The following CLASP2 variants were observed in gnomAD, a reference collection of about 807,000 sequenced individuals.
CLASP2 encodes cytoplasmic linker associated protein 2.
In CLASP2, 47 loss-of-function variants were observed where a neutral mutation model predicts 194.4. That is an observed-to-expected ratio of 0.24 (90% CI 0.19 to 0.31). The LOEUF is 0.31. CLASP2 is among the 10% of genes least tolerant of loss of function. CLASP2 has a pLI of 1.00. For missense variants in CLASP2, 1,445 were observed against 1,823.6 expected, an observed-to-expected ratio of 0.79 and a Z score of 3.78; for synonymous variants, 619 against 633.5, an observed-to-expected ratio of 0.98 and a Z score of 0.34.
chr3:33,619,099 T>C (rs942132699), intron 12 of CLASP2, among the ~76,000 whole-genome samples: 3 of 152,192 alleles, frequency 2.0e-5, no homozygotes, highest in African/African-American at 7.2e-5. Context: ...CTGAACACTC[T>C]AGGATAGAGT....
At chr3:33,500,977 C>T (rs528796448) in intron 38 of CLASP2, among the ~76,000 whole-genome samples, 199 of 152,126 alleles carry the variant, frequency 1.3e-3, no homozygotes, top group South Asian at 4.2e-3. Context: ...AATTCCTGGT[C>T]TCAAGTGATC....
intron 1 of CLASP2, among the ~76,000 whole-genome samples, chr3:33,703,383 T>C (rs2092493988): frequency 6.6e-6 from 1 of 152,194 alleles, no homozygotes; most frequent in African/African-American, 2.4e-5. Context: ...TCATTAGGAA[T>C]TGCAAATAAA....
At chr3:33,686,910 A>T in intron 5 of CLASP2, 150 bp downstream of exon 5, 1 of 556,918 alleles carries the variant, frequency 1.8e-6, no homozygotes, top group Non-Finnish European at 3.2e-6. Flanking sequence ...TTAAAAACTA[A>T]CTTTGATGGA....
At chr3:33,606,460 T>C in intron 16 of CLASP2, 131 bp downstream of exon 16, 1 of 611,586 alleles carries the variant, frequency 1.6e-6, no homozygotes, top group East Asian at 2.9e-5. Context: ...CCAAAATAAA[T>C]AAGTGTATTA....
chr3:33,604,315 TTTTTC>T (rs2073165829), intron 16 of CLASP2, 106 bp from the exon 17 acceptor site: 2 of 771,330 alleles, frequency 2.6e-6, no homozygotes, highest in South Asian at 3.4e-5. Context: ...AAGTATTTCT[TTTTTC>T]TTTTTTTTTT....
At chr3:33,511,259 T>C (rs1326574185) in intron 36 of CLASP2, among the ~76,000 whole-genome samples, 4 of 152,060 alleles carry the variant, frequency 2.6e-5, no homozygotes, top group African/African-American at 9.7e-5. Flanking sequence ...ACGGTGATGT[T>C]AAACTCCAGA....
chr3:33,592,512 T>C lies in CLASP2; in HGVS notation c.1967-16A>G. ...CTCACCCGGCCTGAGAAATAAAATA[T>C]TTACATAATTAAAAACATTTTTCTA... On this transcript the variant is annotated splice_polypyrimidine_tract_variant and intron_variant, in intron 20 of 38. Coordinates refer to ENST00000682230, the MANE Select transcript of CLASP2 (RefSeq NM_001365631.1). 6.4e-7 allele frequency: 1 copy of C among 1,573,576 alleles called. No individual in the cohort carries two copies.
At chr3:33,509,408 TCTCTCCATGTTGGTCAAC>T (rs1389484968) in intron 37 of CLASP2, among the ~76,000 whole-genome samples, 1 of 151,984 alleles carries the variant, frequency 6.6e-6, no homozygotes, top group South Asian at 2.1e-4. Context: ...AGAGACAGAG[TCTCTCCATGTTGGTCAAC>T]CTGGTCTTGA....
chr3:33,678,496 T>C (rs904272044), intron 6 of CLASP2, among the ~76,000 whole-genome samples: 4 of 152,188 alleles, frequency 2.6e-5, no homozygotes, highest in African/African-American at 9.6e-5. Context: ...AACACACTAA[T>C]CTACAATTCT....
intron 13 of CLASP2, 127 bp from the exon 14 acceptor site, chr3:33,608,753 T>TC (rs2074455050): frequency 1.7e-6 from 1 of 591,242 alleles, no homozygotes; most frequent in African/African-American, 2.1e-5. Context: ...TCTTTTTTTT[T>TC]TTTTTTTTTT....
chr3:33,503,508 AC>A (rs1337417598), intron 37 of CLASP2: 4 of 150,702 alleles, frequency 2.7e-5, no homozygotes, highest in African/African-American at 9.8e-5. Flanking sequence ...GCTCACTGCA[AC>A]CTCCACCTCC....
chr3:33,555,433 T>G (rs112987842), intron 29 of CLASP2, among the ~76,000 whole-genome samples: 2,379 of 151,748 alleles, frequency 0.016, 19 homozygotes, highest in South Asian at 0.032. Flanking sequence ...TGGTGTCATC[T>G]CGGCTCACTG....
At chr3:33,673,762 C>T (rs564354726) in intron 6 of CLASP2, among the ~76,000 whole-genome samples, 4 of 151,950 alleles carry the variant, frequency 2.6e-5, no homozygotes, top group South Asian at 2.1e-4. Context: ...ACCAAGCAAA[C>T]GGAAAACAAA....
chr3:33,694,639 G>C (rs1426565587), intron 2 of CLASP2, among the ~76,000 whole-genome samples: 1 of 152,058 alleles, frequency 6.6e-6, no homozygotes, highest in African/African-American at 2.4e-5. Context: ...TTTACGAATT[G>C]GAAAGATCAT....
chr3:33,688,200 C>T, intron 4 of CLASP2, 77 bp downstream of exon 4: 1 of 1,070,824 alleles, frequency 9.3e-7, no homozygotes, highest in Non-Finnish European at 1.3e-6. Context: ...CCATAGCTTT[C>T]CTTGACTTTG....
chr3:33,623,960 A>G (rs1020415688), intron 10 of CLASP2, among the ~76,000 whole-genome samples: 2 of 152,204 alleles, frequency 1.3e-5, no homozygotes, highest in Non-Finnish European at 2.9e-5. Context: ...AAGGTCTGGA[A>G]TAAGACAAGG....
intron 28 of CLASP2, 60 bp downstream of exon 28, chr3:33,560,747 CA>C: frequency 1.4e-6 from 2 of 1,433,624 alleles, no homozygotes; most frequent in Non-Finnish European, 1.9e-6. Flanking sequence ...ACTATTAACA[CA>C]GGGGTTAGAT....
intron 1 of CLASP2, among the ~76,000 whole-genome samples, chr3:33,707,703 T>C (rs1467443062): frequency 6.6e-6 from 1 of 152,156 alleles, no homozygotes; most frequent in Non-Finnish European, 1.5e-5. Flanking sequence ...GGACTCAATT[T>C]AAGTTTTAGA....
chr3:33,547,906 A>G (rs1168275084), intron 30 of CLASP2, among the ~76,000 whole-genome samples: 1 of 150,618 alleles, frequency 6.6e-6, no homozygotes, highest in Non-Finnish European at 1.5e-5. Flanking sequence ...CTCCTACCTC[A>G]GCCTCCTGAG....
Sources: gnomAD v4.1 joint callset for allele counts (sites outside exome capture counted in the v4.1 genomes callset) on GRCh38, gnomAD v4.1.1 for gene constraint, MANE v1.5 for transcripts, NCBI Gene and HGNC (gene_info 2026-07-23, HGNC 2026-07-21) for gene names.